ATP11B: variants seen among roughly 807,000 people sequenced by gnomAD.
ATP11B encodes ATPase phospholipid transporting 11B (putative), also known as phospholipid-transporting ATPase IF.
A neutral mutation model predicts 157.8 loss-of-function variants in ATP11B; 81 were observed. The ratio of observed to expected loss-of-function variants is 0.51; its 90% confidence interval spans 0.43 to 0.62. The LOEUF (loss-of-function observed/expected upper bound fraction) is 0.62, where lower values mean the gene tolerates loss of function less well. Ranked by LOEUF, ATP11B falls within the 20% of genes least tolerant of loss-of-function variation. The pLI, the probability that ATP11B is intolerant of heterozygous loss-of-function variation, is 0.00. For missense variants in ATP11B, 1,165 were observed against 1,402.2 expected, an observed-to-expected ratio of 0.83 and a Z score of 2.70; for synonymous variants, 451 against 469.4, an observed-to-expected ratio of 0.96 and a Z score of 0.51.
chr3:182,830,051 A>G, intron 4 of ATP11B: 1 of 605,736 alleles, frequency 1.7e-6, no homozygotes, highest in Non-Finnish European at 2.1e-6. Context: ...TTTCTTAATT[A>G]TAATCATCTT....
intron 7 of ATP11B, among the ~76,000 whole-genome samples, chr3:182,839,629 A>G (rs1032653929): frequency 3.5e-5 from 1 of 28,864 alleles, no homozygotes; most frequent in Non-Finnish European, 1.0e-4. Context: ...TTTATTTTTG[A>G]AACAGTGTCT....
chr3:182,803,561 T>C (rs146576266), intron 1 of ATP11B, among the ~76,000 whole-genome samples: 14 of 152,370 alleles, frequency 9.2e-5, no homozygotes, highest in African/African-American at 3.1e-4. Flanking sequence ...ATTTGACAAT[T>C]CCTTTGTTAT....
At chr3:182,900,953 A>G (rs1723915254) in intron 28 of ATP11B, among the ~76,000 whole-genome samples, 1 of 151,930 alleles carries the variant, frequency 6.6e-6, no homozygotes, top group African/African-American at 2.4e-5. Context: ...AGGCCGAGGC[A>G]GGTGGATCAC....
chr3:182,870,626 G>A (rs1057395141), intron 17 of ATP11B, among the ~76,000 whole-genome samples: 2 of 152,212 alleles, frequency 1.3e-5, no homozygotes, highest in Non-Finnish European at 2.9e-5. Context: ...ATTAAAAGAA[G>A]CACATTTATA....
At chr3:182,841,995 AAAC>A (rs1316987763) in intron 7 of ATP11B, 77 bp from the exon 8 acceptor site, 16 of 926,648 alleles carry the variant, frequency 1.7e-5, no homozygotes, top group Admixed American at 4.8e-5. Flanking sequence ...AAAAAAAAAA[AAAC>A]AAAGGATGGT....
rs144826933 is a variant in ATP11B, at chr3:182,817,936, A to G, written c.28-2324A>G. ...ATTTACGTACTGTTTGAGGCCCTGA[A>G]ATTTACTTTCTTTTTTAAAAAAACT... On this transcript the variant is annotated intron_variant, in intron 1 of 29. Coordinates refer to ENST00000323116, the MANE Select transcript of ATP11B (RefSeq NM_014616.3). 3.5e-3 allele frequency among the ~76,000 whole-genome samples: 536 copies of G among 152,268 alleles called. 2 individuals carry two copies. Among genetic ancestry groups the G allele is most frequent in the Non-Finnish European group, 5.8e-3 (396 of 68,008 alleles).
chr3:182,820,309 A>G lies in ATP11B; in HGVS notation c.77A>G (p.Asn26Ser). 1 of 1,614,206 alleles carries G rather than the reference A, an allele frequency of 6.2e-7. No individual in the cohort carries two copies. The highest frequency in any genetic ancestry group is 8.5e-7 in the Non-Finnish European group (1 of 1,180,006). Reference sequence around the variant, plus strand: ...GACACAAGAACCATCTACGTAGCCAACAGGTTTCCTCAGAATGGCCTTTAC... The same window carrying G: ...GACACAAGAACCATCTACGTAGCCAGCAGGTTTCCTCAGAATGGCCTTTAC... ...QSDTRTIYVA[N>S]RFPQNGLYTP... is the part of the protein sequence containing the mutation. The change falls in exon 2 of 30, where the codon AAC becomes AGC. Residue 26 changes from asparagine to serine, a missense_variant. Physicochemically the swap from Asn to Ser is conservative, Grantham distance 46 (BLOSUM62 1). Transcript: ENST00000323116.
At chr3:182,881,527 A>G (rs986317548) in intron 21 of ATP11B, among the ~76,000 whole-genome samples, 2 of 151,952 alleles carry the variant, frequency 1.3e-5, no homozygotes, top group Non-Finnish European at 1.5e-5. Context: ...GGGCGACAGC[A>G]AGACTCTGTC....
chr3:182,866,242 C>G (rs561744197), intron 13 of ATP11B, 26 bp from the exon 14 acceptor site: 1 of 1,464,058 alleles, frequency 6.8e-7, no homozygotes, highest in Admixed American at 2.1e-5. Context: ...ATATTTTTAT[C>G]ATGAATATTA....
chr3:182,836,592 C>A, intron 6 of ATP11B, 122 bp downstream of exon 6: 1 of 1,136,616 alleles, frequency 8.8e-7, no homozygotes, highest in Non-Finnish European at 1.2e-6. Flanking sequence ...TTTAAAATTA[C>A]TATTTCAAAA....
intron 25 of ATP11B, among the ~76,000 whole-genome samples, chr3:182,892,525 A>T (rs1723245086): frequency 6.6e-6 from 1 of 152,182 alleles, no homozygotes; most frequent in Admixed American, 6.5e-5. Context: ...GACTTGTAAT[A>T]GTTTGGGTTT....
rs1015606960 is a variant in ATP11B at position 182,920,414 on chromosome 3, A to G, written c.*2310A>G. On this transcript the variant is annotated 3_prime_UTR_variant, in exon 30 of 30. Transcript: ENST00000323116. The stretch of plus-strand genomic sequence containing the variant: ...GTAACAATGCAGTCTGCAAGCTTTC[A>G]GTAGTTTTCTAGTGCTATATTCATC... 1 of 152,214 alleles carries G rather than the reference A, an allele frequency of 6.6e-6. No homozygotes were observed. The highest frequency in any genetic ancestry group is 2.4e-5 in the African/African-American group (1 of 41,448). The allele number at this position is 152,214 out of a possible 1,614,324, so 9.4% of individuals were successfully genotyped here. A position where few individuals can be genotyped will look rare whatever the true frequency, so the allele number is the denominator to read the frequency against.
intron 25 of ATP11B, among the ~76,000 whole-genome samples, chr3:182,893,300 T>A (rs1159651485): frequency 6.6e-6 from 1 of 152,190 alleles, no homozygotes; most frequent in Non-Finnish European, 1.5e-5. Context: ...ACCCAAGCAG[T>A]GTACATTGTA....
intron 21 of ATP11B, among the ~76,000 whole-genome samples, chr3:182,884,188 G>A (rs1360234767): frequency 6.6e-6 from 1 of 151,858 alleles, no homozygotes; most frequent in African/African-American, 2.4e-5. Context: ...CATTAAAAAA[G>A]TATTCATATT....
chr3:182,843,048 T>G (rs1452164799), intron 8 of ATP11B, among the ~76,000 whole-genome samples: 2 of 152,236 alleles, frequency 1.3e-5, no homozygotes. Flanking sequence ...ATTATTGAGC[T>G]AAGAGACAAT....
At chr3:182,854,259 C>T (rs1161095961) in intron 10 of ATP11B, among the ~76,000 whole-genome samples, 2 of 152,076 alleles carry the variant, frequency 1.3e-5, no homozygotes, top group South Asian at 2.1e-4. Flanking sequence ...CACCTGAGGT[C>T]GGGAGTCCGA....
chr3:182,917,838 T>C (rs899645182), intron 29 of ATP11B, 185 bp from the exon 30 acceptor site: 142 of 981,518 alleles, frequency 1.4e-4, no homozygotes, highest in South Asian at 7.1e-4. Context: ...GCATTATTTT[T>C]CCCAAGTTTT....
intron 26 of ATP11B, 138 bp downstream of exon 26, chr3:182,896,903 A>T: frequency 1.5e-6 from 1 of 652,164 alleles, no homozygotes; most frequent in Non-Finnish European, 2.6e-6. Flanking sequence ...TTACTATTTT[A>T]ATAGTTAAAT....
intron 1 of ATP11B, among the ~76,000 whole-genome samples, chr3:182,802,698 T>C (rs1439893551): frequency 6.6e-6 from 1 of 152,156 alleles, no homozygotes. Context: ...CCCCATTACT[T>C]CCCTGTTGCC....
Sources: gnomAD v4.1 joint callset for allele counts (sites outside exome capture counted in the v4.1 genomes callset) on GRCh38, gnomAD v4.1.1 for gene constraint, MANE v1.5 for transcripts, NCBI Gene and HGNC (gene_info 2026-07-23, HGNC 2026-07-21) for gene names.